PRRC2A: variants seen among roughly 807,000 people sequenced by gnomAD.
PRRC2A encodes the protein proline rich coiled-coil 2A.
Under a neutral mutation model 224.6 loss-of-function variants are expected in PRRC2A, and 59 were observed. That is an observed-to-expected ratio of 0.26 (90% confidence interval 0.21 to 0.33). The LOEUF (loss-of-function observed/expected upper bound fraction) is 0.33. Among genes scored for constraint, PRRC2A ranks in the 10% least tolerant of loss-of-function variants. PRRC2A has a pLI of 1.00. For missense variants in PRRC2A, 3,095 were observed against 2,880.7 expected (o/e 1.07, Z -1.70); for synonymous variants, 1,194 against 1,109.5 (o/e 1.08, Z -1.51).
Position 31,634,337 on chromosome 6 carries a change from C to T in PRRC2A, c.4821C>T (p.Thr1607=), listed in dbSNP as rs1384375353. The T allele has an allele frequency of 1.9e-6, 3 of 1,612,938 alleles. No individual in the cohort carries two copies. Among genetic ancestry groups the T allele is most frequent in the East Asian group, 2.2e-5 (1 of 44,880 alleles). Reference sequence around the variant, plus strand: ...GAGATACAGGCACAGAGGCCCTGACCCCTCACATCTGGAACCGTTTACATA... The same window carrying T: ...GAGATACAGGCACAGAGGCCCTGACTCCTCACATCTGGAACCGTTTACATA... ...ESRDTGTEAL[T]PHIWNRLHTA... Residue 1607 remains threonine, a synonymous_variant, in exon 19 of 31, where the codon ACC becomes ACT. Coordinates refer to ENST00000376033, the MANE Select transcript of PRRC2A (RefSeq NM_004638.4).
In PRRC2A at chr6:31,627,702, A is replaced by G; in HGVS notation, c.1291-63A>G. On this transcript the variant is annotated intron_variant, in intron 11 of 30. Transcript: ENST00000376033. This position sits in a 1 kb window ranked among gnomAD's most constrained non-coding sequence, Gnocchi z 5.6. ...AGTAGCGACAGTTGATTTGTTGTAA[A>G]AGAGATGATAGAAAGCATAGTAACT... is the stretch of plus-strand genomic sequence containing the variant. The G allele has an allele frequency of 6.4e-7, 1 of 1,569,350 alleles. No individual in the cohort carries two copies. The highest frequency in any genetic ancestry group is 1.2e-5 in the South Asian group (1 of 86,808).
At position 31,632,915 on chromosome 6, in the gene PRRC2A, A is replaced by C. The variant is rs958709790; in HGVS notation, c.4242A>C (p.Gly1414=). ...GCAGCAGTGGCAGCAGCAGTGGAGG[A>C]GGCGGTGGGGGTCCTGGAGGAAGGA... ...KAGSSGSSSG[G]GGGGPGGRTG... is the part of the protein sequence containing the mutation. Residue 1414 remains glycine (G), a synonymous_variant, in exon 16 of 31, where the codon GGA becomes GGC. Coordinates refer to ENST00000376033, the MANE Select transcript of PRRC2A (RefSeq NM_004638.4). 3.7e-6 allele frequency: 6 copies of C among 1,612,394 alleles called. No homozygotes were observed. The highest frequency in any genetic ancestry group is 2.7e-5 in the African/African-American group (2 of 74,874).
rs1777143300 is a variant in PRRC2A at position 31,634,969 on chromosome 6, G to A, written c.5152G>A (p.Asp1718Asn). 9 of 1,612,256 alleles carry A rather than the reference G, an allele frequency of 5.6e-6. No homozygotes were observed. The highest frequency in any genetic ancestry group is 7.6e-6 in the Non-Finnish European group (9 of 1,179,594). The change falls in exon 21 of 31, where the codon GAC becomes AAC. Residue 1718 changes from aspartate (D) to asparagine (N), a missense_variant. Physicochemically the swap from Asp to Asn is conservative, Grantham distance 23 (BLOSUM62 1). Coordinates refer to ENST00000376033, the MANE Select transcript of PRRC2A (RefSeq NM_004638.4). The stretch of plus-strand genomic sequence containing the variant: ...ACCACCACCTGCCCCCCACGATGGG[G>A]ACAGAAAGGTAAAAGACCAAAAAAG... ...RRPPPAPHDG[D>N]RKELPREQPL...
Position 31,637,476 on chromosome 6 carries a change from C to A in PRRC2A, c.6364C>A (p.Pro2122Thr). The A allele has an allele frequency of 6.4e-7, 1 of 1,574,454 alleles. No individual in the cohort carries two copies. The highest frequency in any genetic ancestry group is 1.2e-5 in the South Asian group (1 of 85,462). ...CCCACCAGATGCCCTGCGCTGGATA[C>A]CTAAGCCTTGGGAGCGGACAGGGCC... ...ASPPDALRWI[P>T]KPWERTGPPP... Residue 2122 changes from proline to threonine, a missense_variant, in exon 31 of 31, where the codon CCT becomes ACT. Coordinates refer to ENST00000376033, the MANE Select transcript of PRRC2A (RefSeq NM_004638.4).
chr6:31,626,199 A>G, intron 9 of PRRC2A, 37 bp downstream of exon 9: 1 of 1,597,978 alleles, frequency 6.3e-7, no homozygotes, highest in South Asian at 1.1e-5. Context: ...TTGGATCTTG[A>G]AAGGCAAAAC....
In PRRC2A at chr6:31,633,998, T is replaced by C; in HGVS notation, c.4719+9T>C. ...CAGAGCTGCTACAGGAGGTAAGGGA[T>C]GGGTTTGAGATTGTGCTTCACTGCA... is the stretch of plus-strand genomic sequence containing the variant. On this transcript the variant is annotated intron_variant, in intron 18 of 30. Transcript: ENST00000376033. 1 of 1,604,194 alleles carries C rather than the reference T, an allele frequency of 6.2e-7. No individual in the cohort carries two copies. The highest frequency in any genetic ancestry group is 8.5e-7 in the Non-Finnish European group (1 of 1,177,794).
At position 31,636,130 on chromosome 6, in the gene PRRC2A, G is replaced by GT; in HGVS notation, c.5625-78dup. ...GGGAAGGGGAAGACACAGTTCTAGG[G>GT]TACTAGAAGCTAGTGGACTTAAGGC... On this transcript the variant is annotated intron_variant, in intron 25 of 30. Coordinates refer to ENST00000376033, the MANE Select transcript of PRRC2A (RefSeq NM_004638.4). The surrounding 1 kb of genome is among the most constrained non-coding windows in gnomAD (Gnocchi z 4.3). 4 of 1,545,312 alleles carry GT rather than the reference G, an allele frequency of 2.6e-6. No individual in the cohort carries two copies. The highest frequency in any genetic ancestry group is 3.6e-6 in the Non-Finnish European group (4 of 1,117,766).
chr6:31,632,876 A>G lies in PRRC2A; in HGVS notation c.4203A>G (p.Pro1401=), dbSNP rs1458801858. The change falls in exon 16 of 31, where the codon CCA becomes CCG. Residue 1401 remains proline, a synonymous_variant. Transcript: ENST00000376033. ...AACGGCAGAATCGGCGCCCTGGCCC[A>G]GGGGGCAAGGCTGGCAGCAGTGGCA... ...GMERQNRRPG[P]GGKAGSSGSS... The G allele has an allele frequency of 3.1e-6, 5 of 1,612,890 alleles. No homozygotes were observed. The highest frequency in any genetic ancestry group is 4.2e-6 in the Non-Finnish European group (5 of 1,179,976).
Position 31,637,468 on chromosome 6 carries a change from G to A in PRRC2A, c.6356G>A (p.Arg2119His), listed in dbSNP as rs781744285. 137 of 1,575,868 alleles carry A rather than the reference G, an allele frequency of 8.7e-5. No homozygotes were observed. Among genetic ancestry groups the A allele is most frequent in the African/African-American group, 1.1e-4 (8 of 73,922 alleles). ...TAGGCCTCCCCACCAGATGCCCTGC[G>A]CTGGATACCTAAGCCTTGGGAGCGG... ...YQQASPPDALRWIPKPWERTG... is the reference protein window; with the variant it reads ...YQQASPPDALHWIPKPWERTG... Residue 2119 changes from arginine (R) to histidine (H), a missense_variant, in exon 31 of 31, where the codon CGC becomes CAC. Arg to His is a conservative substitution (Grantham distance 29). Transcript: ENST00000376033.
Position 31,632,666 on chromosome 6 carries a change from C to T in PRRC2A, c.3993C>T (p.Thr1331=), listed in dbSNP as rs1776783520. 1 of 1,612,992 alleles carries T rather than the reference C, an allele frequency of 6.2e-7. No individual in the cohort carries two copies. The highest frequency in any genetic ancestry group is 1.3e-5 in the African/African-American group (1 of 74,926). Residue 1331 remains threonine, a synonymous_variant, in exon 16 of 31, where the codon ACC becomes ACT. Transcript: ENST00000376033. ...WETASESSDF[T]SERRGDKEAP... ...CTGCATCAGAGAGCAGTGACTTCAC[C>T]AGTGAGCGCCGAGGGGACAAAGAGG...
Position 31,629,719 on chromosome 6 carries a change from C to T in PRRC2A, c.2128C>T (p.Arg710Trp). 2 of 1,602,984 alleles carry T rather than the reference C, an allele frequency of 1.2e-6. No homozygotes were observed. Among genetic ancestry groups the T allele is most frequent in the Non-Finnish European group, 1.7e-6 (2 of 1,172,268 alleles). ...PKALYPGALG[R>W]PPPMPPMNFD... The stretch of plus-strand genomic sequence containing the variant: ...GGCCCTGTACCCAGGTGCTCTGGGC[C>T]GGCCCCCACCCATGCCCCCAATGAA... Residue 710 changes from arginine to tryptophan, a missense_variant, in exon 14 of 31, where the codon CGG (arginine) becomes TGG (tryptophan). Physicochemically the swap from Arg to Trp is moderately radical, Grantham distance 101. Coordinates refer to ENST00000376033, the MANE Select transcript of PRRC2A (RefSeq NM_004638.4).
At chr6:31,626,371 A>G (rs1332589859) in intron 9 of PRRC2A, among the ~76,000 whole-genome samples, 9 of 151,794 alleles carry the variant, frequency 5.9e-5, no homozygotes, top group African/African-American at 1.9e-4. Context: ...TGGGCAACAC[A>G]GCAAGACCCC....
rs749573318 is a variant in PRRC2A, at chr6:31,636,627, C to T, written c.5934+19C>T. ...CCAGCAGGTATATTGTATCTTCACA[C>T]TTCCCCTTCATTTGATTTCTCTGTC... is the stretch of plus-strand genomic sequence containing the variant. On this transcript the variant is annotated intron_variant, in intron 27 of 30. Coordinates refer to ENST00000376033, the MANE Select transcript of PRRC2A (RefSeq NM_004638.4). This position sits in a 1 kb window ranked among gnomAD's most constrained non-coding sequence, Gnocchi z 4.3. 2 of 1,587,344 alleles carry T rather than the reference C, an allele frequency of 1.3e-6. No individual in the cohort carries two copies. The highest frequency in any genetic ancestry group is 1.7e-6 in the Non-Finnish European group (2 of 1,162,610).
intron 2 of PRRC2A, chr6:31,623,131 G>C (rs200211950): frequency 1.0e-4 from 76 of 754,608 alleles, no homozygotes; most frequent in Non-Finnish European, 1.7e-4. Context: ...CGTAAGAATT[G>C]GAGGAAAATA....
chr6:31,621,366 C>T (rs914720182), intron 1 of PRRC2A, among the ~76,000 whole-genome samples: 9 of 152,196 alleles, frequency 5.9e-5, no homozygotes, highest in Non-Finnish European at 1.0e-4. Flanking sequence ...AGCATCTTTG[C>T]TTTCTATGTT....
At chr6:31,634,710 C>T (rs746375860) in intron 20 of PRRC2A, 43 bp from the exon 21 acceptor site, 13 of 1,594,758 alleles carry the variant, frequency 8.2e-6, no homozygotes, top group Non-Finnish European at 1.1e-5. Context: ...TATTGGGGTG[C>T]TTTCTACCCT....
At chr6:31,622,634 T>A in intron 1 of PRRC2A, 56 bp from the exon 2 acceptor site, 1 of 615,420 alleles carries the variant, frequency 1.6e-6, no homozygotes, top group East Asian at 2.8e-5. Flanking sequence ...GCCTCATATC[T>A]GAGTCCCTAA....
chr6:31,621,114 G>T (rs975528657), intron 1 of PRRC2A, among the ~76,000 whole-genome samples: 1 of 152,150 alleles, frequency 6.6e-6, no homozygotes, highest in Non-Finnish European at 1.5e-5. Context: ...GCTTCAGGGG[G>T]TGACCCCTGC....
rs776851025 is a variant in PRRC2A at position 31,636,429 on chromosome 6, G to A, written c.5835+10G>A. ...CACATCGTTGCTTCAGGTAAGAGGG[G>A]GGCAGGTATTAGATATTGGGGGATA... On this transcript the variant is annotated intron_variant, in intron 26 of 30. Transcript: ENST00000376033. The surrounding 1 kb of genome is among the most constrained non-coding windows in gnomAD (Gnocchi z 4.3). 3.1e-6 allele frequency: 5 copies of A among 1,612,756 alleles called. No homozygotes were observed. The highest frequency in any genetic ancestry group is 4.2e-6 in the Non-Finnish European group (5 of 1,179,870).
Sources: allele counts gnomAD v4.1 joint callset (sites outside exome capture counted in the v4.1 genomes callset), GRCh38; gene constraint gnomAD v4.1.1; non-coding constraint Gnocchi (gnomAD v3.1); transcripts MANE v1.5; gene names NCBI Gene and HGNC (gene_info 2026-07-23, HGNC 2026-07-21).